Variants in PDE11A observed in about 807,000 individuals in gnomAD.
The protein encoded by PDE11A is dual 3',5'-cyclic-AMP and -GMP phosphodiesterase 11A.
A neutral mutation model predicts 100.5 loss-of-function variants in PDE11A; 100 were observed. The observed-to-expected ratio is 1.00, with a 90% CI of 0.85 to 1.18. The LOEUF (loss-of-function observed/expected upper bound fraction) is 1.18. Among genes scored for constraint, PDE11A ranks in the 50% most tolerant of loss-of-function variants. The pLI is 0.00. For synonymous variants in PDE11A, 381 were observed against 420.8 expected (o/e 0.91, Z 1.16); for missense variants, 1,141 against 1,152.6 (o/e 0.99, Z 0.15).
At chr2:177,862,549 G>C (rs1226774459) in intron 5 of PDE11A, among the ~76,000 whole-genome samples, 1 of 151,656 alleles carries the variant, frequency 6.6e-6, no homozygotes. Flanking sequence ...TACAAATAAT[G>C]ACCTAACTGA....
intron 10 of PDE11A, among the ~76,000 whole-genome samples, chr2:177,750,055 C>T (rs2082005355): frequency 6.6e-6 from 1 of 152,222 alleles, no homozygotes; most frequent in Admixed American, 6.5e-5. Flanking sequence ...AAATCACTGA[C>T]TACCCGTTTT....
At chr2:178,035,194 T>C (rs1274346661) in intron 1 of PDE11A, among the ~76,000 whole-genome samples, 2 of 152,000 alleles carry the variant, frequency 1.3e-5, no homozygotes, top group Admixed American at 1.3e-4. Flanking sequence ...ATAAAGGGGA[T>C]ATCACCACTG....
intron 2 of PDE11A, among the ~76,000 whole-genome samples, chr2:177,925,938 G>C (rs190442788): frequency 2.8e-4 from 43 of 152,334 alleles, no homozygotes; most frequent in Admixed American, 1.0e-3. Context: ...GACAAGGCTA[G>C]CCAACTTTTC....
At chr2:177,657,978 A>G (rs941276) in intron 19 of PDE11A, among the ~76,000 whole-genome samples, 117,579 of 152,034 alleles carry the variant, frequency 0.77, 46,141 homozygotes, top group East Asian at 0.89. Context: ...GGGGGTGGTG[A>G]AGGGGGCTTG....
intron 9 of PDE11A, among the ~76,000 whole-genome samples, chr2:177,784,458 C>T (rs1419013917): frequency 6.6e-6 from 1 of 152,128 alleles, no homozygotes; most frequent in African/African-American, 2.4e-5. Context: ...GAACTCTCAG[C>T]TGCTTTCCCA....
At chr2:177,747,969 C>T (rs980529083) in intron 10 of PDE11A, among the ~76,000 whole-genome samples, 2 of 152,114 alleles carry the variant, frequency 1.3e-5, no homozygotes, top group South Asian at 4.1e-4. Context: ...CCAGTCCAGA[C>T]CCTCCCGATC....
At position 178,072,004 on chromosome 2, in the gene PDE11A, G is replaced by A. The variant is rs904847231; in HGVS notation, c.434C>T (p.Ala145Val). Residue 145 changes from alanine to valine, a missense_variant, in exon 1 of 20, where the codon GCT becomes GTT. Ala to Val is a moderately conservative substitution (Grantham distance 64, BLOSUM62 0). Coordinates refer to ENST00000286063, the MANE Select transcript of PDE11A (RefSeq NM_016953.4). ...RTYDEQVTSR[A>V]QEPLSSVRRR... Reference sequence around the variant, plus strand: ...TCGTACACTACTCAGGGGTTCCTGAGCCCGGGAGGTCACCTGTTCATCGTA... The same window carrying A: ...TCGTACACTACTCAGGGGTTCCTGAACCCGGGAGGTCACCTGTTCATCGTA... The A allele has an allele frequency of 5.0e-6, 8 of 1,614,016 alleles. No homozygotes were observed. The African/African-American group carries it at 9.3e-5, about 19-fold the overall frequency.
intron 4 of PDE11A, 51 bp downstream of exon 4, chr2:177,898,007 C>A: frequency 7.0e-7 from 1 of 1,434,924 alleles, no homozygotes; most frequent in Non-Finnish European, 9.8e-7. Flanking sequence ...ATAAACTCAA[C>A]TTTATTCCAT....
chr2:177,662,316 C>T (rs777399546), intron 19 of PDE11A, among the ~76,000 whole-genome samples: 2 of 152,272 alleles, frequency 1.3e-5, no homozygotes, highest in Non-Finnish European at 2.9e-5. Flanking sequence ...AAACTAGTAC[C>T]AAAACTTAAT....
At chr2:177,808,760 C>T (rs183036255) in intron 9 of PDE11A, among the ~76,000 whole-genome samples, 2 of 152,078 alleles carry the variant, frequency 1.3e-5, no homozygotes, top group Admixed American at 1.3e-4. Context: ...TTGAGGGGAC[C>T]TGTGTTTGTA....
rs181405621 is a variant in PDE11A, at chr2:177,787,782, C to T, written c.1738-18409G>A. On this transcript the variant is annotated intron_variant, in intron 9 of 19. Coordinates refer to ENST00000286063, the MANE Select transcript of PDE11A (RefSeq NM_016953.4). The stretch of plus-strand genomic sequence containing the variant: ...ACTTTAAACCAACAAAGATCAAAAG[C>T]GACAAAGAAGGCCATCACATAATGG... Among the ~76,000 whole-genome samples, 38 of 152,034 alleles carry T rather than the reference C, an allele frequency of 2.5e-4. No individual in the cohort carries two copies. In the East Asian group the frequency reaches 5.4e-3, roughly 22 times the overall value.
chr2:177,663,393 G>A (rs2080513031), intron 19 of PDE11A, among the ~76,000 whole-genome samples: 1 of 151,698 alleles, frequency 6.6e-6, no homozygotes, highest in South Asian at 2.1e-4. Context: ...CGAACACCAT[G>A]TTTCATGGAA....
chr2:178,051,137 A>T (rs1375372408), intron 1 of PDE11A, among the ~76,000 whole-genome samples: 1 of 152,274 alleles, frequency 6.6e-6, no homozygotes, highest in Non-Finnish European at 1.5e-5. Context: ...AGGGAAGCCC[A>T]TCAGACTAAC....
At chr2:178,005,553 GT>G (rs1304639368) in intron 2 of PDE11A, among the ~76,000 whole-genome samples, 1 of 152,054 alleles carries the variant, frequency 6.6e-6, no homozygotes, top group Non-Finnish European at 1.5e-5. Flanking sequence ...TTTGTTGTCT[GT>G]TTTTTATCAC....
At chr2:177,811,225 A>G (rs190349130) in intron 9 of PDE11A, among the ~76,000 whole-genome samples, 42 of 152,280 alleles carry the variant, frequency 2.8e-4, no homozygotes, top group Non-Finnish European at 1.5e-5. Context: ...ACTCTCAGAA[A>G]ATATGAACCT....
chr2:177,989,283 A>G (rs1171360791), intron 2 of PDE11A, among the ~76,000 whole-genome samples: 3 of 152,236 alleles, frequency 2.0e-5, no homozygotes, highest in Non-Finnish European at 4.4e-5. Flanking sequence ...TCCTAAAGCA[A>G]TATCAATCCT....
At chr2:178,084,807 T>G (rs1255226223) in intron 2 of PDE11A, among the ~76,000 whole-genome samples, 2 of 151,798 alleles carry the variant, frequency 1.3e-5, no homozygotes, top group Non-Finnish European at 2.9e-5. Flanking sequence ...AATGACAAAC[T>G]ATTGTCATGT....
chr2:177,904,429 T>C (rs1171135178), intron 3 of PDE11A, among the ~76,000 whole-genome samples: 1 of 152,196 alleles, frequency 6.6e-6, no homozygotes, highest in African/African-American at 2.4e-5. Context: ...AGATCATGTT[T>C]GTAACATAAC....
At chr2:178,089,458 TAAGAG>T (rs1237568730) in intron 2 of PDE11A, among the ~76,000 whole-genome samples, 1 of 152,096 alleles carries the variant, frequency 6.6e-6, no homozygotes, top group Non-Finnish European at 1.5e-5. Flanking sequence ...ACGCCAGGTG[TAAGAG>T]ACAATTCTGG....
Sources: allele counts gnomAD v4.1 joint callset (sites outside exome capture counted in the v4.1 genomes callset), GRCh38; gene constraint gnomAD v4.1.1; transcripts MANE v1.5; gene names NCBI Gene and HGNC (gene_info 2026-07-23, HGNC 2026-07-21).